Variants in ROBO2 observed in about 807,000 individuals in gnomAD.
ROBO2 encodes roundabout homolog 2.
A neutral mutation model predicts 160.8 loss-of-function variants in ROBO2; 53 were observed. The observed-to-expected ratio is 0.33, with a 90% CI of 0.26 to 0.41. ROBO2 has a LOEUF of 0.41. Among genes scored for constraint, ROBO2 ranks in the 10% least tolerant of loss-of-function variants. The pLI, the probability that ROBO2 is intolerant of heterozygous loss-of-function variation, is 1.00. For synonymous variants in ROBO2, 664 were observed against 611.7 expected (o/e 1.09, Z -1.26); for missense variants, 1,577 against 1,722.4 (o/e 0.92, Z 1.49).
At chr3:76,848,919 A>T (rs2069048856) in intron 2 of ROBO2, among the ~76,000 whole-genome samples, 1 of 152,230 alleles carries the variant, frequency 6.6e-6, no homozygotes, top group Admixed American at 6.5e-5. Flanking sequence ...CTTAAGAAAA[A>T]TTCGCATTTG....
At chr3:76,551,774 G>T (rs1379495181) in intron 2 of ROBO2, among the ~76,000 whole-genome samples, 1 of 152,116 alleles carries the variant, frequency 6.6e-6, no homozygotes, top group Admixed American at 6.5e-5. Context: ...AGATCCAACT[G>T]CAGCCTTGCA....
intron 2 of ROBO2, among the ~76,000 whole-genome samples, chr3:76,449,761 AAG>A (rs2077381811): frequency 6.6e-6 from 1 of 152,172 alleles, no homozygotes; most frequent in Non-Finnish European, 1.5e-5. Context: ...ATTTACATTG[AAG>A]AGAGTCGTTA....
intron 2 of ROBO2, among the ~76,000 whole-genome samples, chr3:77,267,168 C>G (rs1470204): frequency 0.5 from 75,652 of 151,990 alleles, 20,037 homozygotes; most frequent in Middle Eastern, 0.7. Flanking sequence ...AATGATCTTA[C>G]TTGCAATCTA....
At chr3:77,221,848 C>CTTTTCCT (rs1560275679) in intron 2 of ROBO2, among the ~76,000 whole-genome samples, 1 of 145,006 alleles carries the variant, frequency 6.9e-6, no homozygotes, top group African/African-American at 2.6e-5. Context: ...TTTTCTTTTT[C>CTTTTCCT]TTTTTCTTTT....
At chr3:76,055,838 A>G (rs2067826310) in intron 2 of ROBO2, among the ~76,000 whole-genome samples, 1 of 152,040 alleles carries the variant, frequency 6.6e-6, no homozygotes, top group Non-Finnish European at 1.5e-5. Flanking sequence ...GGCTCACCGC[A>G]ACCTCTGCCT....
At chr3:76,778,726 GTT>G (rs2062438697) in intron 2 of ROBO2, among the ~76,000 whole-genome samples, 1 of 151,006 alleles carries the variant, frequency 6.6e-6, no homozygotes. Flanking sequence ...GCAGATTTCA[GTT>G]ACCACAGTTT....
chr3:76,216,137 C>G (rs867986380), intron 2 of ROBO2, among the ~76,000 whole-genome samples: 1 of 152,146 alleles, frequency 6.6e-6, no homozygotes, highest in Non-Finnish European at 1.5e-5. Flanking sequence ...ACCAGGCCTG[C>G]CCTAAAAGAG....
chr3:77,092,593 AATATATATTT>A (rs1212045954), intron 1 of ROBO2, among the ~76,000 whole-genome samples: 3 of 75,884 alleles, frequency 4.0e-5, no homozygotes, highest in African/African-American at 1.7e-4. Flanking sequence ...TTAATTAAAT[AATATATATTT>A]TAATATATAT....
At chr3:77,613,679 G>GT (rs1454528205) in intron 21 of ROBO2, among the ~76,000 whole-genome samples, 1 of 152,064 alleles carries the variant, frequency 6.6e-6, no homozygotes, top group Non-Finnish European at 1.5e-5. Context: ...ATACATACGC[G>GT]TATGACTTAC....
At chr3:77,301,185 A>T (rs961539818) in intron 2 of ROBO2, among the ~76,000 whole-genome samples, 1 of 152,090 alleles carries the variant, frequency 6.6e-6, no homozygotes. Flanking sequence ...ACATATTTTT[A>T]AATTGAAAAT....
At chr3:76,938,375 G>T (rs952641885) in intron 2 of ROBO2, among the ~76,000 whole-genome samples, 4 of 146,272 alleles carry the variant, frequency 2.7e-5, no homozygotes, top group African/African-American at 1.0e-4. Flanking sequence ...CCCAAAAAAG[G>T]CTGCATATTG....
intron 2 of ROBO2, among the ~76,000 whole-genome samples, chr3:77,366,614 TA>T (rs1156868292): frequency 2.6e-5 from 4 of 152,076 alleles, no homozygotes; most frequent in African/African-American, 9.7e-5. Context: ...AATTTATAAA[TA>T]AAAAAATTTG....
intron 2 of ROBO2, among the ~76,000 whole-genome samples, chr3:76,299,493 A>G (rs992603896): frequency 1.3e-5 from 2 of 152,294 alleles, no homozygotes; most frequent in Non-Finnish European, 2.9e-5. Context: ...GATACATTGG[A>G]TGTGGGAGGA....
chr3:77,085,755 T>C (rs1413884657), intron 1 of ROBO2, among the ~76,000 whole-genome samples: 2 of 152,108 alleles, frequency 1.3e-5, no homozygotes, highest in African/African-American at 4.8e-5. Context: ...CATTTTTGAC[T>C]TGGGCCTTTT....
rs146296189 is a variant in ROBO2 at position 77,169,109 on chromosome 3, A to G, written c.388+70769A>G. Among the ~76,000 whole-genome samples the G allele has an allele frequency of 5.4e-3, 827 of 152,350 alleles. 5 individuals carry two copies. Among genetic ancestry groups the G allele is most frequent in the African/African-American group, 0.019 (792 of 41,578 alleles). ...TGCATCCACACGTATGCAAATGGAAACATTCAGATTCCAGCTCCTAAGGAC... is the reference window on the plus strand; with the variant it reads ...TGCATCCACACGTATGCAAATGGAAGCATTCAGATTCCAGCTCCTAAGGAC... On this transcript the variant is annotated intron_variant, in intron 2 of 25. Transcript: ENST00000461745.
chr3:77,484,451 A>T (rs2085085510), intron 4 of ROBO2, among the ~76,000 whole-genome samples: 1 of 151,974 alleles, frequency 6.6e-6, no homozygotes, highest in Non-Finnish European at 1.5e-5. Flanking sequence ...CATTTGTAAA[A>T]TATAATAAGT....
intron 2 of ROBO2, among the ~76,000 whole-genome samples, chr3:76,218,915 C>T (rs924945921): frequency 3.3e-5 from 5 of 152,158 alleles, no homozygotes; most frequent in African/African-American, 1.2e-4. Context: ...TCAAACTATA[C>T]TACAAGGCTA....
At chr3:76,600,170 G>A (rs1437592658) in intron 2 of ROBO2, among the ~76,000 whole-genome samples, 1 of 152,122 alleles carries the variant, frequency 6.6e-6, no homozygotes, top group African/African-American at 2.4e-5. Flanking sequence ...GGGATTTATG[G>A]TTTTGGGTTT....
chr3:76,754,562 A>G (rs958718673), intron 2 of ROBO2, among the ~76,000 whole-genome samples: 1 of 151,896 alleles, frequency 6.6e-6, no homozygotes, highest in African/African-American at 2.4e-5. Flanking sequence ...CATAACTAAG[A>G]AAGTCTGATT....
Sources: gnomAD v4.1 joint callset for allele counts (sites outside exome capture counted in the v4.1 genomes callset) on GRCh38, gnomAD v4.1.1 for gene constraint, MANE v1.5 for transcripts, NCBI Gene and HGNC (gene_info 2026-07-23, HGNC 2026-07-21) for gene names.